MICU2: variants seen among roughly 807,000 people sequenced by gnomAD.
MICU2 encodes mitochondrial calcium uptake 2.
A neutral mutation model predicts 60.4 loss-of-function variants in MICU2; 64 were observed. That is an observed-to-expected ratio of 1.06 (90% CI 0.87 to 1.31). MICU2 has a LOEUF of 1.31. MICU2 is among the 50% of genes most tolerant of loss of function. The pLI is 0.00. For missense variants in MICU2, 569 were observed against 531.0 expected (o/e 1.07, Z -0.70); for synonymous variants, 201 against 175.0 (o/e 1.15, Z -1.17).
rs767541367 is a variant in MICU2, at chr13:21,539,346, G to GT, written c.421dup (p.Thr141AsnfsTer15). 14 of 1,613,914 alleles carry GT rather than the reference G, an allele frequency of 8.7e-6. No homozygotes were observed. Among genetic ancestry groups the GT allele is most frequent in the Non-Finnish European group, 1.2e-5 (14 of 1,179,984 alleles). On this transcript the variant is annotated frameshift_variant, in exon 4 of 12. Transcript: ENST00000382374. LOFTEE classifies it high-confidence loss of function. ...GAAAAAAGTTGATCCACAGCCAGCT[G>GT]TTTGGATCCCTGACAGTGTATCCTC...
chr13:21,535,855 C>A (rs549341855), intron 4 of MICU2, among the ~76,000 whole-genome samples: 1 of 152,158 alleles, frequency 6.6e-6, no homozygotes, highest in South Asian at 2.1e-4. Flanking sequence ...ATTCTTTCAA[C>A]AATCCCATAA....
intron 5 of MICU2, among the ~76,000 whole-genome samples, chr13:21,521,900 G>C (rs1163278842): frequency 6.6e-6 from 1 of 151,998 alleles, no homozygotes; most frequent in African/African-American, 2.4e-5. Flanking sequence ...CCTCAGCCTC[G>C]ACAAGTAGTT....
chr13:21,600,406 CTT>C (rs1238754461), intron 1 of MICU2, among the ~76,000 whole-genome samples: 1 of 152,170 alleles, frequency 6.6e-6, no homozygotes. Flanking sequence ...GAAACCAAGA[CTT>C]TGTGAAATAC....
At chr13:21,533,461 A>G (rs1051397594) in intron 4 of MICU2, among the ~76,000 whole-genome samples, 2 of 149,420 alleles carry the variant, frequency 1.3e-5, no homozygotes, top group Non-Finnish European at 3.0e-5. Context: ...GTAGCTGGGA[A>G]TACAGGTGCC....
At chr13:21,502,147 CTTCTTTT>C (rs906116253) in intron 9 of MICU2, among the ~76,000 whole-genome samples, 33 of 90,878 alleles carry the variant, frequency 3.6e-4, no homozygotes, top group Non-Finnish European at 3.7e-4. Flanking sequence ...ATCAAGTTTT[CTTCTTTT>C]TTTTTGTTAA....
intron 9 of MICU2, chr13:21,496,497 G>A (rs889669937): frequency 1.2e-5 from 3 of 260,146 alleles, no homozygotes; most frequent in Non-Finnish European, 1.5e-5. Context: ...AGCTTGAAGA[G>A]ACTAACATAC....
At chr13:21,501,460 C>T (rs1391986044) in intron 9 of MICU2, among the ~76,000 whole-genome samples, 2 of 152,126 alleles carry the variant, frequency 1.3e-5, no homozygotes, top group Non-Finnish European at 2.9e-5. Context: ...GACGTGGTTT[C>T]ACCGTGTTAA....
In MICU2 at chr13:21,522,452, C is replaced by T. The variant is rs1483592293; in HGVS notation, c.514+151G>A. 6.7e-6 allele frequency: 4 copies of T among 593,764 alleles called. No individual in the cohort carries two copies. In the East Asian group the frequency reaches 9.2e-5, roughly 14 times the overall value. 36.8% of individuals were successfully genotyped at this position (593,764 alleles called of 1,614,324 possible). A position where few individuals can be genotyped will look rare whatever the true frequency, so the allele number is the denominator to read the frequency against. ...AGGCAGAAGTGACCCAAAGAGATAA[C>T]CTAATCCAACATTATCATTTTGCAG... On this transcript the variant is annotated intron_variant, in intron 5 of 11. Coordinates refer to ENST00000382374, the MANE Select transcript of MICU2 (RefSeq NM_152726.3).
At chr13:21,551,646 TCTCA>T (rs1887568556) in intron 2 of MICU2, among the ~76,000 whole-genome samples, 1 of 143,462 alleles carries the variant, frequency 7.0e-6, no homozygotes, top group Non-Finnish European at 1.5e-5. Flanking sequence ...GTCCACGTGT[TCTCA>T]CTGTTCAATT....
intron 2 of MICU2, among the ~76,000 whole-genome samples, chr13:21,559,525 TTTTC>T (rs1887788496): frequency 7.7e-6 from 1 of 129,384 alleles, no homozygotes; most frequent in African/African-American, 2.6e-5. Flanking sequence ...AGTTTCTTTC[TTTTC>T]TTTTTTTTTT....
At position 21,555,747 on chromosome 13, in the gene MICU2, C is replaced by T. The variant is rs185586880; in HGVS notation, c.358+11050G>A. On this transcript the variant is annotated intron_variant, in intron 2 of 11. Coordinates refer to ENST00000382374, the MANE Select transcript of MICU2 (RefSeq NM_152726.3). ...TTCTGTAAACCTCAATACCTTCCCC[C>T]CCTCTTCACTCTCAGCTGATAACCT... is the stretch of plus-strand genomic sequence containing the variant. Among the ~76,000 whole-genome samples, 164 of 152,188 alleles carry T rather than the reference C, an allele frequency of 1.1e-3. 1 individual carries two copies. The highest frequency in any genetic ancestry group is 3.5e-3 in the African/African-American group (147 of 41,538).
chr13:21,563,218 G>C (rs1240442358), intron 2 of MICU2, among the ~76,000 whole-genome samples: 1 of 152,118 alleles, frequency 6.6e-6, no homozygotes, highest in East Asian at 1.9e-4. Context: ...CACTTTGGGA[G>C]GCCAAGGTGG....
intron 4 of MICU2, among the ~76,000 whole-genome samples, chr13:21,536,101 T>C (rs921072800): frequency 2.0e-5 from 3 of 152,108 alleles, no homozygotes; most frequent in Non-Finnish European, 4.4e-5. Context: ...CTGGAAGGAA[T>C]TGGTAAAGGG....
intron 1 of MICU2, among the ~76,000 whole-genome samples, chr13:21,596,164 A>G (rs1888687044): frequency 6.6e-6 from 1 of 152,092 alleles, no homozygotes; most frequent in Admixed American, 6.6e-5. Flanking sequence ...ATTCAGTGCT[A>G]CTTCTGCTTA....
At chr13:21,595,391 GC>G (rs1888670921) in intron 1 of MICU2, among the ~76,000 whole-genome samples, 1 of 152,164 alleles carries the variant, frequency 6.6e-6, no homozygotes, top group African/African-American at 2.4e-5. Context: ...GAGCCCAAAG[GC>G]CCTCACAGAC....
intron 1 of MICU2, among the ~76,000 whole-genome samples, chr13:21,596,648 C>T (rs1322316712): frequency 1.3e-5 from 2 of 151,976 alleles, no homozygotes; most frequent in African/African-American, 2.4e-5. Flanking sequence ...GGTTTCAAGC[C>T]CCTGATCTCA....
rs111899635 is a variant in MICU2, at chr13:21,493,784, T to TA, written c.1201-432dup. On this transcript the variant is annotated intron_variant, in intron 11 of 11. Transcript: ENST00000382374. ...GCTTTGATTTAACATTGGCTAAAAT[T>TA]AAAAAAAAAAAAGGCCACAAAGTAT... Among the ~76,000 whole-genome samples, 66 of 143,312 alleles carry TA rather than the reference T, an allele frequency of 4.6e-4. 1 individual carries two copies. Among genetic ancestry groups the TA allele is most frequent in the East Asian group, 1.8e-3 (9 of 4,978 alleles). The allele number at this position is 143,312 out of a possible 152,430, so 94.0% of individuals were successfully genotyped here.
chr13:21,522,546 G>A, intron 5 of MICU2, 57 bp downstream of exon 5: 1 of 1,386,348 alleles, frequency 7.2e-7, no homozygotes, highest in East Asian at 2.4e-5. Context: ...TTAAAATCCT[G>A]TTTGGTAAGA....
intron 6 of MICU2, chr13:21,515,553 G>GT (rs1566143988): frequency 2.3e-6 from 1 of 440,376 alleles, no homozygotes; most frequent in Admixed American, 2.4e-5. Context: ...AGAATCAATT[G>GT]TATCAATCCT....
Sources: allele counts gnomAD v4.1 joint callset (sites outside exome capture counted in the v4.1 genomes callset), GRCh38; gene constraint gnomAD v4.1.1; transcripts MANE v1.5; gene names NCBI Gene and HGNC (gene_info 2026-07-23, HGNC 2026-07-21).